The following ASRGL1 variants were observed in gnomAD, a reference collection of about 807,000 sequenced individuals.
The protein encoded by ASRGL1 is isoaspartyl peptidase/L-asparaginase.
In ASRGL1, 16 loss-of-function variants were observed where a neutral mutation model predicts 22.4. The ratio of observed to expected loss-of-function variants is 0.71; its 90% CI spans 0.48 to 1.08. The LOEUF (loss-of-function observed/expected upper bound fraction) is 1.08. ASRGL1 is among the 50% of genes least tolerant of loss of function. ASRGL1 has a pLI of 0.00. For synonymous variants in ASRGL1, 165 were observed against 159.3 expected (o/e 1.04, Z -0.27); for missense variants, 412 against 410.1 (o/e 1.00, Z -0.04).
Position 62,392,561 on chromosome 11 carries a change from C to A in ASRGL1, c.*277C>A. On this transcript the variant is annotated 3_prime_UTR_variant, in exon 7 of 7. Coordinates refer to ENST00000415229, the MANE Select transcript of ASRGL1 (RefSeq NM_001083926.2). The stretch of plus-strand genomic sequence containing the variant: ...TCCAGCCTGGGCAACAGAGCCAGGC[C>A]CTGTATCAAAAAAAAAAAAAAAAAG... 8.1e-6 allele frequency: 3 copies of A among 369,282 alleles called. No individual in the cohort carries two copies. The highest frequency in any genetic ancestry group is 1.4e-5 in the Non-Finnish European group (3 of 206,984). 22.9% of individuals were successfully genotyped at this position (369,282 alleles called of 1,614,324 possible). A position where few individuals can be genotyped will look rare whatever the true frequency, so the allele number is the denominator to read the frequency against.
chr11:62,383,503 T>C (rs1275358890), intron 4 of ASRGL1, among the ~76,000 whole-genome samples: 2 of 142,484 alleles, frequency 1.4e-5, no homozygotes, highest in African/African-American at 5.4e-5. Context: ...CTCGGGAGGC[T>C]GAGGCAGGAG....
intron 4 of ASRGL1, among the ~76,000 whole-genome samples, chr11:62,373,409 C>T (rs1029031790): frequency 2.0e-5 from 3 of 152,016 alleles, no homozygotes; most frequent in African/African-American, 4.8e-5. Flanking sequence ...AATACTTGCT[C>T]GTAGTTGACT....
chr11:62,340,033 G>A (rs753531117), intron 2 of ASRGL1, among the ~76,000 whole-genome samples: 2 of 152,052 alleles, frequency 1.3e-5, no homozygotes, highest in Non-Finnish European at 2.9e-5. Flanking sequence ...AAGCTGAGGT[G>A]GGCGGATCAC....
intron 2 of ASRGL1, among the ~76,000 whole-genome samples, chr11:62,345,608 G>T (rs1182307322): frequency 6.6e-6 from 1 of 152,048 alleles, no homozygotes; most frequent in African/African-American, 2.4e-5. Context: ...AAGTCCCCTG[G>T]TTATGCACAC....
At chr11:62,385,754 C>T (rs919620458) in intron 4 of ASRGL1, among the ~76,000 whole-genome samples, 17 of 151,970 alleles carry the variant, frequency 1.1e-4, no homozygotes, top group Admixed American at 5.2e-4. Context: ...ATCCCAGCTA[C>T]TTGGGAGTCT....
rs1946818273 is a variant in ASRGL1 at position 62,373,090 on chromosome 11, A to C, written c.491+15946A>C. 10 of 1,466,878 alleles carry C rather than the reference A, an allele frequency of 6.8e-6. No homozygotes were observed. The South Asian group carries it at 9.1e-5, about 13-fold the overall frequency. The allele number at this position is 1,466,878 out of a possible 1,614,324, so 90.9% of individuals were successfully genotyped here. A position where few individuals can be genotyped will look rare whatever the true frequency, so the allele number is the denominator to read the frequency against. ...GAGCCGGTCGCCATGGGCTACTCAC[A>C]CTCCTTGGTGATAGCAAGAGATGAA... is the stretch of plus-strand genomic sequence containing the variant. On this transcript the variant is annotated intron_variant, in intron 4 of 6. Transcript: ENST00000415229.
intron 2 of ASRGL1, among the ~76,000 whole-genome samples, chr11:62,345,603 C>T (rs896992643): frequency 6.6e-6 from 1 of 152,066 alleles, no homozygotes; most frequent in Non-Finnish European, 1.5e-5. Flanking sequence ...ATTGCAAGTC[C>T]CCTGGTTATG....
At chr11:62,381,035 GC>G (rs2134681678) in intron 4 of ASRGL1, among the ~76,000 whole-genome samples, 1 of 152,316 alleles carries the variant, frequency 6.6e-6, no homozygotes, top group Non-Finnish European at 1.5e-5. Context: ...TCTGGGGGCG[GC>G]CGATACTGAA....
intron 4 of ASRGL1, chr11:62,382,842 G>A (rs1947105925): frequency 6.6e-6 from 1 of 152,138 alleles, no homozygotes; most frequent in South Asian, 2.1e-4. Context: ...ATTAGAGAAT[G>A]GTAATGACTT....
intron 4 of ASRGL1, among the ~76,000 whole-genome samples, chr11:62,373,566 G>A (rs1230242498): frequency 1.3e-5 from 2 of 152,048 alleles, no homozygotes; most frequent in Middle Eastern, 3.2e-3. Context: ...AAGAGGAATC[G>A]CCATTTACTC....
chr11:62,397,664 CAA>C (rs34199101), downstream of ASRGL1, among the ~76,000 whole-genome samples: 46 of 75,598 alleles, frequency 6.1e-4, no homozygotes, highest in African/African-American at 1.4e-3. Context: ...AACTCCGTCT[CAA>C]AAAAAAAAAA....
In ASRGL1 at chr11:62,371,302, G is replaced by T. The variant is rs761695323; in HGVS notation, c.491+14158G>T. On this transcript the variant is annotated intron_variant, in intron 4 of 6. Coordinates refer to ENST00000415229, the MANE Select transcript of ASRGL1 (RefSeq NM_001083926.2). ...CAGCAGCAGCAGCGGCGACGAGGACGGCCTGGAGCTCGACGGGGCCCCCGG... is the reference window on the plus strand; with the variant it reads ...CAGCAGCAGCAGCGGCGACGAGGACTGCCTGGAGCTCGACGGGGCCCCCGG... 3.3e-5 allele frequency: 45 copies of T among 1,378,912 alleles called. 1 individual carries two copies. Among genetic ancestry groups the T allele is most frequent in the Non-Finnish European group, 4.1e-5 (43 of 1,046,462 alleles). The allele number at this position is 1,378,912 out of a possible 1,614,324, so 85.4% of individuals were successfully genotyped here.
At position 62,357,025 on chromosome 11, in the gene ASRGL1, G is replaced by A. The variant is rs950951680; in HGVS notation, c.372G>A (p.Gln124=). Residue 124 remains glutamine (Q), a synonymous_variant, in exon 4 of 7, where the codon CAG becomes CAA. Coordinates refer to ENST00000415229, the MANE Select transcript of ASRGL1 (RefSeq NM_001083926.2). ...HCFLTDQGAA[Q]FAAAMGVPEI... ...TTCTGACTGACCAAGGCGCAGCGCA[G>A]TTTGCAGCAGCTATGGGGGTTCCAG... 2 of 1,613,888 alleles carry A rather than the reference G, an allele frequency of 1.2e-6. No individual in the cohort carries two copies. Among genetic ancestry groups the A allele is most frequent in the African/African-American group, 2.7e-5 (2 of 74,910 alleles).
At chr11:62,384,321 G>A (rs1947151678) in intron 4 of ASRGL1, among the ~76,000 whole-genome samples, 1 of 151,962 alleles carries the variant, frequency 6.6e-6, no homozygotes, top group African/African-American at 2.4e-5. Context: ...TGGCCAAGAT[G>A]GTGAAACTTC....
chr11:62,343,918 C>CTTTTTTTTTT (rs34446979), intron 2 of ASRGL1, among the ~76,000 whole-genome samples: 80 of 100,668 alleles, frequency 7.9e-4, no homozygotes, highest in Non-Finnish European at 1.1e-3. Context: ...TCATGCATTT[C>CTTTTTTTTTT]TTTTTTTTTT....
Position 62,391,790 on chromosome 11 carries a change from C to T in ASRGL1, c.721+158C>T, listed in dbSNP as rs2134706878. On this transcript the variant is annotated intron_variant, in intron 6 of 6. Coordinates refer to ENST00000415229, the MANE Select transcript of ASRGL1 (RefSeq NM_001083926.2). ...ACCTTGTTTTGACTCTCCGCCTTCC[C>T]TTAGGTCTGGAATGGTAGAGCATTG... 7 of 974,826 alleles carry T rather than the reference C, an allele frequency of 7.2e-6. No individual in the cohort carries two copies. The East Asian group carries it at 1.6e-4, about 22-fold the overall frequency. The allele number at this position is 974,826 out of a possible 1,614,324, so 60.4% of individuals were successfully genotyped here. A position where few individuals can be genotyped will look rare whatever the true frequency, so the allele number is the denominator to read the frequency against.
intron 4 of ASRGL1, chr11:62,371,277 CAG>C: frequency 4.3e-6 from 2 of 466,634 alleles, no homozygotes; most frequent in Non-Finnish European, 6.0e-6. Flanking sequence ...GCAGTGGTGG[CAG>C]CAGCAGCAGC....
In ASRGL1 at chr11:62,389,238, C is replaced by T. The variant is rs1947283536; in HGVS notation, c.597C>T (p.Asp199=). 1 of 1,613,960 alleles carries T rather than the reference C, an allele frequency of 6.2e-7. No homozygotes were observed. Among genetic ancestry groups the T allele is most frequent in the South Asian group, 1.1e-5 (1 of 91,080 alleles). ...ATAAAATGGTCGGCCGCGTTGGGGACTCACCGTGTCTAGGTAGGACCAAGG... is the reference window on the plus strand; with the variant it reads ...ATAAAATGGTCGGCCGCGTTGGGGATTCACCGTGTCTAGGTAGGACCAAGG... ...IVNKMVGRVG[D]SPCLGAGGYA... is the part of the protein sequence containing the mutation. The change falls in exon 5 of 7, where the codon GAC becomes GAT. Residue 199 remains aspartate (D), a synonymous_variant. Coordinates refer to ENST00000415229, the MANE Select transcript of ASRGL1 (RefSeq NM_001083926.2).
chr11:62,341,951 TATTCGA>T (rs1389609124), intron 2 of ASRGL1, among the ~76,000 whole-genome samples: 9 of 152,216 alleles, frequency 5.9e-5, no homozygotes, highest in African/African-American at 2.2e-4. Flanking sequence ...AAAGAAATAG[TATTCGA>T]ACATTAATTT....
Sources: allele counts gnomAD v4.1 joint callset (sites outside exome capture counted in the v4.1 genomes callset), GRCh38; gene constraint gnomAD v4.1.1; transcripts MANE v1.5; gene names NCBI Gene and HGNC (gene_info 2026-07-23, HGNC 2026-07-21).